The following FER variants were observed in gnomAD, a reference collection of about 807,000 sequenced individuals.
FER encodes the protein tyrosine-protein kinase Fer.
In FER, 63 loss-of-function variants were observed where a neutral mutation model predicts 111.0. The observed-to-expected ratio is 0.57, with a 90% CI of 0.46 to 0.70. The LOEUF is 0.70. Ranked by LOEUF, FER falls within the 30% of genes least tolerant of loss-of-function variation. The probability of loss-of-function intolerance (pLI) is 0.00; values close to 1 mark genes in which losing one functional copy is unlikely to be tolerated. For missense variants in FER, 914 were observed against 954.0 expected (o/e 0.96, Z 0.55); for synonymous variants, 327 against 313.9 (o/e 1.04, Z -0.44).
At chr5:108,853,557 T>C (rs1372870703) in intron 5 of FER, among the ~76,000 whole-genome samples, 3 of 152,180 alleles carry the variant, frequency 2.0e-5, no homozygotes, top group Non-Finnish European at 2.9e-5. Flanking sequence ...CATGTGATCA[T>C]CTGTAGCAAA....
chr5:109,160,714 T>C (rs1755899164), intron 17 of FER, among the ~76,000 whole-genome samples: 1 of 152,174 alleles, frequency 6.6e-6, no homozygotes, highest in Admixed American at 6.6e-5. Context: ...CCTGCTCTTC[T>C]CTGAGTCTGT....
chr5:108,898,594 C>T (rs1417965936), intron 10 of FER, among the ~76,000 whole-genome samples: 1 of 135,230 alleles, frequency 7.4e-6, no homozygotes, highest in Non-Finnish European at 1.6e-5. Flanking sequence ...CCCTCCCCTC[C>T]CTTCCCCTCC....
chr5:109,114,942 C>G (rs769199457), intron 17 of FER, among the ~76,000 whole-genome samples: 1 of 151,946 alleles, frequency 6.6e-6, no homozygotes, highest in Non-Finnish European at 1.5e-5. Flanking sequence ...GTTAGCCATT[C>G]GAGTATATAG....
rs192751552 is a variant in FER, at chr5:108,776,004, A to G, written c.-60+7766A>G. 8.9e-3 allele frequency among the ~76,000 whole-genome samples: 1,353 copies of G among 152,270 alleles called. 16 individuals carry two copies. The highest frequency in any genetic ancestry group is 0.031 in the African/African-American group (1,270 of 41,548). On this transcript the variant is annotated intron_variant, in intron 2 of 19. Coordinates refer to ENST00000281092, the MANE Select transcript of FER (RefSeq NM_005246.4). ...ACAGTCACTCTATTTGTGACTTCTA[A>G]CTGTCAGTATTGAAGCATGTAAAAG...
At chr5:108,821,063 G>C (rs1262187637) in intron 3 of FER, among the ~76,000 whole-genome samples, 1 of 152,210 alleles carries the variant, frequency 6.6e-6, no homozygotes, top group Non-Finnish European at 1.5e-5. Flanking sequence ...AGTGAGCCAG[G>C]ATTGCTCCAC....
rs548031410 is a variant in FER, at chr5:108,848,658, A to G, written c.481+12851A>G. ...TATTTTATATATTTTACTTTTGCTT[A>G]TGTTACAAACTACACACTACATTGT... On this transcript the variant is annotated intron_variant, in intron 5 of 19. Coordinates refer to ENST00000281092, the MANE Select transcript of FER (RefSeq NM_005246.4). Among the ~76,000 whole-genome samples, 4 of 151,998 alleles carry G rather than the reference A, an allele frequency of 2.6e-5. No homozygotes were observed. In the East Asian group the frequency reaches 7.7e-4, roughly 29 times the overall value.
At chr5:108,780,589 A>G (rs1378687661) in intron 2 of FER, among the ~76,000 whole-genome samples, 1 of 151,540 alleles carries the variant, frequency 6.6e-6, no homozygotes, top group Non-Finnish European at 1.5e-5. Flanking sequence ...GCCTAGGTGT[A>G]GTTTTTTGTT....
chr5:109,013,529 G>A (rs1352084349), intron 13 of FER, among the ~76,000 whole-genome samples: 48 of 149,512 alleles, frequency 3.2e-4, no homozygotes, highest in East Asian at 3.9e-4. Flanking sequence ...GAATAATGCC[G>A]CAATAAACAT....
At chr5:109,021,311 A>G (rs1197263253) in intron 13 of FER, among the ~76,000 whole-genome samples, 2 of 152,026 alleles carry the variant, frequency 1.3e-5, no homozygotes, top group African/African-American at 4.8e-5. Flanking sequence ...CCCTGTGTGA[A>G]GTCTTTCTGG....
rs61156019 is a variant in FER at position 108,845,067 on chromosome 5, T to TACAC, written c.481+9286_481+9289dup. On this transcript the variant is annotated intron_variant, in intron 5 of 19. Coordinates refer to ENST00000281092, the MANE Select transcript of FER (RefSeq NM_005246.4). The stretch of plus-strand genomic sequence containing the variant: ...ATATATATATATATATATATATATA[T>TACAC]ACACACACACACACACACACACACA... 8.5e-3 allele frequency among the ~76,000 whole-genome samples: 457 copies of TACAC among 53,844 alleles called. 12 individuals carry two copies. The highest frequency in any genetic ancestry group is 0.032 in the African/African-American group (421 of 13,218). The allele number at this position is 53,844 out of a possible 152,430, so 35.3% of individuals were successfully genotyped here.
In FER at chr5:109,190,363, A is replaced by G. The variant is rs1246521904; in HGVS notation, c.*2788A>G. The G allele has an allele frequency of 5.0e-5, 6 of 120,158 alleles. No homozygotes were observed. In the East Asian group the frequency reaches 1.1e-3, roughly 22 times the overall value. The allele number at this position is 120,158 out of a possible 1,614,324, so 7.4% of individuals were successfully genotyped here. ...TTGTGTTGTTAATGGATTATTCAAG[A>G]TATATATATATATTCTTACTACTGC... On this transcript the variant is annotated 3_prime_UTR_variant, in exon 20 of 20. Transcript: ENST00000281092.
At chr5:109,133,245 A>C (rs1476930493) in intron 17 of FER, among the ~76,000 whole-genome samples, 1 of 152,166 alleles carries the variant, frequency 6.6e-6, no homozygotes, top group African/African-American at 2.4e-5. Context: ...TGTTCCTTTT[A>C]GAGGAGAGAA....
chr5:109,117,224 A>T (rs1202154854), intron 17 of FER, among the ~76,000 whole-genome samples: 2 of 152,170 alleles, frequency 1.3e-5, no homozygotes, highest in Non-Finnish European at 2.9e-5. Flanking sequence ...TTACCATTAA[A>T]TGTTTAGTCT....
intron 13 of FER, among the ~76,000 whole-genome samples, chr5:108,974,382 A>G (rs1419926337): frequency 1.3e-5 from 2 of 152,216 alleles, no homozygotes; most frequent in African/African-American, 4.8e-5. Context: ...CTGAGACAGC[A>G]TAGTTTTTCA....
Position 109,101,687 on chromosome 5 carries a change from C to G in FER, c.2048+1168C>G, listed in dbSNP as rs74901850. On this transcript the variant is annotated intron_variant, in intron 17 of 19. Coordinates refer to ENST00000281092, the MANE Select transcript of FER (RefSeq NM_005246.4). ...ACATTATCATTGCATTTCTGTTTTA[C>G]TTTCTATGACTGTAGATTGAATCAC... Among the ~76,000 whole-genome samples the G allele has an allele frequency of 5.8e-3, 879 of 152,090 alleles. 22 individuals are homozygous for G. In the East Asian group the frequency reaches 0.068, roughly 12 times the overall value.
intron 14 of FER, 105 bp downstream of exon 14, chr5:109,037,583 C>T: frequency 2.5e-6 from 2 of 788,268 alleles, no homozygotes; most frequent in Non-Finnish European, 2.1e-6. Context: ...CCACAAGGCA[C>T]ATTACACATT....
At chr5:108,992,688 A>C (rs1763386677) in intron 13 of FER, among the ~76,000 whole-genome samples, 3 of 142,734 alleles carry the variant, frequency 2.1e-5, no homozygotes, top group Admixed American at 7.0e-5. Flanking sequence ...GCTGACCCCC[A>C]CCTCCCTCCC....
intron 17 of FER, among the ~76,000 whole-genome samples, chr5:109,144,194 C>T (rs759647621): frequency 1.3e-5 from 2 of 152,080 alleles, no homozygotes; most frequent in Non-Finnish European, 2.9e-5. Flanking sequence ...CCTTCATATT[C>T]TTCCTCTTAC....
At chr5:108,961,277 T>C (rs1310388240) in intron 13 of FER, among the ~76,000 whole-genome samples, 1 of 152,194 alleles carries the variant, frequency 6.6e-6, no homozygotes, top group South Asian at 2.1e-4. Flanking sequence ...TTGCATTGTC[T>C]ACAGGCTTAG....
Sources: gnomAD v4.1 joint callset for allele counts (sites outside exome capture counted in the v4.1 genomes callset) on GRCh38, gnomAD v4.1.1 for gene constraint, MANE v1.5 for transcripts, NCBI Gene and HGNC (gene_info 2026-07-23, HGNC 2026-07-21) for gene names.